Variants in CRHR2 observed in about 807,000 individuals in gnomAD.
The protein encoded by CRHR2 is corticotropin-releasing hormone receptor 2.
Under a neutral mutation model 57.9 loss-of-function variants are expected in CRHR2, and 53 were observed. The ratio of observed to expected loss-of-function variants is 0.92; its 90% CI spans 0.73 to 1.15. The LOEUF (loss-of-function observed/expected upper bound fraction) is 1.15. CRHR2 is among the 50% of genes most tolerant of loss of function. The pLI, the probability that CRHR2 is intolerant of heterozygous loss-of-function variation, is 0.00. For synonymous variants in CRHR2, 213 were observed against 220.9 expected (o/e 0.96, Z 0.32); for missense variants, 532 against 542.6 (o/e 0.98, Z 0.19).
Position 30,662,250 on chromosome 7 carries a change from A to G in CRHR2, c.698-34T>C, listed in dbSNP as rs372317430. 11 of 1,611,698 alleles carry G rather than the reference A, an allele frequency of 6.8e-6. No individual in the cohort carries two copies. The African/African-American group carries it at 1.2e-4, about 18-fold the overall frequency. ...AGGAAAGACTTGGGCTGCAGGGGAC[A>G]GATGGACAGGGACTTTCTTGTAGGA... On this transcript the variant is annotated intron_variant, in intron 6 of 11. Transcript: ENST00000471646.
chr7:30,672,233 C>G (rs1219850872), intron 2 of CRHR2, among the ~76,000 whole-genome samples: 3 of 152,228 alleles, frequency 2.0e-5, no homozygotes, highest in Non-Finnish European at 4.4e-5. Context: ...TTCCAGCTCC[C>G]CAAGGGTCCA....
At position 30,665,137 on chromosome 7, in the gene CRHR2, A is replaced by G. The variant is rs898239225; in HGVS notation, c.476T>C (p.Phe159Ser). 4 of 1,613,932 alleles carry G rather than the reference A, an allele frequency of 2.5e-6. No individual in the cohort carries two copies. The highest frequency in any genetic ancestry group is 3.4e-6 in the Non-Finnish European group (4 of 1,180,016). ...NVIHWNLITT[F>S]ILRNVMWFLL... ...GAACCACATGACATTTCGCAGGATA[A>G]AGGTGGTGATGAGGTTCCAGTGAAT... The change falls in exon 5 of 12, where the codon TTT (phenylalanine) becomes TCT (serine). Residue 159 changes from phenylalanine to serine, a missense_variant. Transcript: ENST00000471646. The surrounding 1 kb of genome is among the most constrained non-coding windows in gnomAD (Gnocchi z 4.5).
upstream of CRHR2, among the ~76,000 whole-genome samples, chr7:30,685,538 A>G (rs1784839320): frequency 1.3e-5 from 2 of 152,096 alleles, no homozygotes; most frequent in African/African-American, 2.4e-5. Flanking sequence ...AAGGTGCTGC[A>G]CTTTTGCCCT....
At chr7:30,657,900 C>T (rs1276509215) in intron 8 of CRHR2, among the ~76,000 whole-genome samples, 1 of 152,194 alleles carries the variant, frequency 6.6e-6, no homozygotes, top group Admixed American at 6.5e-5. Flanking sequence ...ACCCATCCAT[C>T]TACCCATCCA....
intron 1 of CRHR2, among the ~76,000 whole-genome samples, chr7:30,697,291 C>T (rs1785076739): frequency 6.6e-6 from 1 of 152,166 alleles, no homozygotes; most frequent in Non-Finnish European, 1.5e-5. Context: ...TCCTGAGACC[C>T]TGGGGGGTGT....
intron 8 of CRHR2, 145 bp downstream of exon 8, chr7:30,660,428 G>A: frequency 1.3e-6 from 1 of 772,702 alleles, no homozygotes; most frequent in Non-Finnish European, 2.1e-6. Context: ...GGGGCACAGG[G>A]TGGCATGGAC....
intron 2 of CRHR2, among the ~76,000 whole-genome samples, chr7:30,681,556 G>A (rs1156869525): frequency 1.3e-5 from 2 of 152,224 alleles, no homozygotes; most frequent in Non-Finnish European, 1.5e-5. Flanking sequence ...CTGGGCAGGG[G>A]AAGCATTGTC....
At chr7:30,654,761 C>A in intron 11 of CRHR2, 1 of 1,536,486 alleles carries the variant, frequency 6.5e-7, no homozygotes. Context: ...GCTCTGGCTT[C>A]TCTCTTCCAT....
rs187485396 is a variant in CRHR2, at chr7:30,696,213, A to G, written c.-261+3731T>C. ...TAGAATGAATACGACGTAGTATTTC[A>G]TAGTACAACAGGGTGACTGTAGTCA... On this transcript the variant is annotated intron_variant, in intron 1 of 13. Coordinates refer to the CRHR2 transcript ENST00000341843. Among the ~76,000 whole-genome samples the G allele has an allele frequency of 2.0e-3, 299 of 152,342 alleles. 2 individuals are homozygous for G. The highest frequency in any genetic ancestry group is 4.5e-3 in the Admixed American group (69 of 15,312).
intron 2 of CRHR2, among the ~76,000 whole-genome samples, chr7:30,672,210 G>T (rs1784384892): frequency 6.6e-6 from 1 of 152,218 alleles, no homozygotes; most frequent in Non-Finnish European, 1.5e-5. Flanking sequence ...CCTCCAGGTA[G>T]TTTCCATGAC....
At chr7:30,689,700 T>C (rs1562811031) in intron 1 of CRHR2, among the ~76,000 whole-genome samples, 1 of 152,174 alleles carries the variant, frequency 6.6e-6, no homozygotes, top group Non-Finnish European at 1.5e-5. Flanking sequence ...GGGGAACTGA[T>C]GGGTGTCCTT....
chr7:30,682,604 A>G (rs546122796), upstream of CRHR2: 3 of 838,794 alleles, frequency 3.6e-6, no homozygotes, highest in East Asian at 1.3e-4. Context: ...CACCCTGCCC[A>G]AAGTACGGCT....
chr7:30,697,799 T>C (rs1238393005), intron 1 of CRHR2, among the ~76,000 whole-genome samples: 3 of 152,158 alleles, frequency 2.0e-5, no homozygotes, highest in Non-Finnish European at 2.9e-5. Flanking sequence ...TCCCTTGGAC[T>C]ACCCATCTCC....
At position 30,699,943 on chromosome 7, in the gene CRHR2, C is replaced by A. The variant is rs965231225; in HGVS notation, c.-261+1G>T. 2.0e-6 allele frequency: 3 copies of A among 1,507,530 alleles called. No homozygotes were observed. The allele number at this position is 1,507,530 out of a possible 1,614,324, so 93.4% of individuals were successfully genotyped here. On this transcript the variant is annotated splice_donor_variant, in intron 1 of 13. Transcript: ENST00000341843. LOFTEE classifies it low-confidence loss of function (5UTR_SPLICE). Reference sequence around the variant, plus strand: ...CGTGGACTCCCACTCCCTGCACTTACGTATTGGAGCGGCGGTGGGAGGAGG... The same window carrying A: ...CGTGGACTCCCACTCCCTGCACTTAAGTATTGGAGCGGCGGTGGGAGGAGG...
chr7:30,659,943 T>C (rs1417921662), intron 8 of CRHR2, among the ~76,000 whole-genome samples: 1 of 152,192 alleles, frequency 6.6e-6, no homozygotes, highest in Non-Finnish European at 1.5e-5. Flanking sequence ...TCTTTATCTC[T>C]CTCTCTTTTT....
intron 1 of CRHR2, among the ~76,000 whole-genome samples, chr7:30,695,537 T>G: frequency 6.7e-6 from 1 of 149,224 alleles, no homozygotes; most frequent in East Asian, 2.0e-4. Context: ...CTGACTGGAG[T>G]AGGAGGGGGA....
chr7:30,697,503 C>T lies in CRHR2; in HGVS notation c.-261+2441G>A, dbSNP rs186158090. On this transcript the variant is annotated intron_variant, in intron 1 of 13. Transcript: ENST00000341843. ...CAGCTGCTAGATTACCACCTGCCTC[C>T]GGACCAGCTTCCCGAAGGCCTCCAC... Among the ~76,000 whole-genome samples, 32 of 152,300 alleles carry T rather than the reference C, an allele frequency of 2.1e-4. No homozygotes were observed. In the Middle Eastern group the frequency reaches 0.017, roughly 81 times the overall value.
At chr7:30,692,954 T>G (rs960770620) in intron 1 of CRHR2, among the ~76,000 whole-genome samples, 1 of 152,046 alleles carries the variant, frequency 6.6e-6, no homozygotes, top group Non-Finnish European at 1.5e-5. Context: ...GGTGAGGAAG[T>G]GAAGACCTGT....
chr7:30,662,939 C>T, intron 5 of CRHR2, 92 bp from the exon 6 acceptor site: 1 of 1,465,998 alleles, frequency 6.8e-7, no homozygotes, highest in Non-Finnish European at 9.2e-7. Context: ...CACAGGGCTC[C>T]CCAAAGGGGG....
Sources: allele counts gnomAD v4.1 joint callset (sites outside exome capture counted in the v4.1 genomes callset), GRCh38; gene constraint gnomAD v4.1.1; non-coding constraint Gnocchi (gnomAD v3.1); transcripts MANE v1.5; gene names NCBI Gene and HGNC (gene_info 2026-07-23, HGNC 2026-07-21).